PXDN: variants seen among roughly 807,000 people sequenced by gnomAD.
PXDN encodes the protein peroxidasin homolog.
Under a neutral mutation model 140.3 loss-of-function variants are expected in PXDN, and 77 were observed. The observed-to-expected ratio is 0.55, with a 90% CI of 0.46 to 0.66. The LOEUF is 0.66. Ranked by LOEUF, PXDN falls within the 30% of genes least tolerant of loss-of-function variation. PXDN has a pLI of 0.00. For synonymous variants in PXDN, 911 were observed against 857.4 expected (o/e 1.06, Z -1.09); for missense variants, 1,838 against 2,039.5 (o/e 0.90, Z 1.90).
Position 1,643,317 on chromosome 2 carries a change from C to T in PXDN, c.3952+51G>A. 6 of 1,576,782 alleles carry T rather than the reference C, an allele frequency of 3.8e-6. No individual in the cohort carries two copies. The South Asian group carries it at 6.7e-5, about 18-fold the overall frequency. Reference sequence around the variant, plus strand: ...GGTCATTAAGCACCCGCCAAGCAGTCACCAAAACCAGGGATGAAAAAGGAA... The same window carrying T: ...GGTCATTAAGCACCCGCCAAGCAGTTACCAAAACCAGGGATGAAAAAGGAA... On this transcript the variant is annotated intron_variant, in intron 19 of 22. Coordinates refer to ENST00000252804, the MANE Select transcript of PXDN (RefSeq NM_012293.3).
At chr2:1,744,795 T>G (rs1278830365), upstream of PXDN, 2 of 213,050 alleles carry the variant, frequency 9.4e-6, no homozygotes, top group East Asian at 1.1e-4. Context: ...GCTTCTCCAC[T>G]TCTCTTACCC....
intron 3 of PXDN, among the ~76,000 whole-genome samples, chr2:1,690,648 CAAAAAAAAAAAA>C (rs35970382): frequency 9.5e-4 from 65 of 68,658 alleles, no homozygotes; most frequent in African/African-American, 3.3e-3. Flanking sequence ...TTCAAAATAC[CAAAAAAAAAAAA>C]AAAAAAAAAA....
chr2:1,679,993 A>G (rs922643778), intron 7 of PXDN, among the ~76,000 whole-genome samples, 200 bp downstream of exon 7: 13 of 131,670 alleles, frequency 9.9e-5, no homozygotes, highest in Non-Finnish European at 1.1e-4. Flanking sequence ...GTGTGTGTAA[A>G]TGGTATGTGT....
At chr2:1,650,826 T>C (rs1327863537) in intron 16 of PXDN, among the ~76,000 whole-genome samples, 4 of 152,228 alleles carry the variant, frequency 2.6e-5, no homozygotes, top group South Asian at 2.1e-4. Context: ...ACTGCTTCTT[T>C]TTTCTAAAGT....
intron 1 of PXDN, among the ~76,000 whole-genome samples, chr2:1,725,058 T>C (rs1315124798): frequency 6.6e-6 from 1 of 152,240 alleles, no homozygotes; most frequent in African/African-American, 2.4e-5. Flanking sequence ...TTATAGTTTT[T>C]AGCATTCAGT....
In PXDN at chr2:1,648,894, G is replaced by A. The variant is rs760399974; in HGVS notation, c.2886C>T (p.Asp962=). ...ATGPPTECMR[D]ENESPIPCFL... ...AGCAGGGGATGGGGCTCTCGTTCTCGTCCCGCATGCACTCCGTGGGCGGCC... is the reference window on the plus strand; with the variant it reads ...AGCAGGGGATGGGGCTCTCGTTCTCATCCCGCATGCACTCCGTGGGCGGCC... Residue 962 remains aspartate, a synonymous_variant, in exon 17 of 23, where the codon GAC becomes GAT. Coordinates refer to ENST00000252804, the MANE Select transcript of PXDN (RefSeq NM_012293.3). The surrounding 1 kb of genome is among the most constrained non-coding windows in gnomAD (Gnocchi z 8.9). 7.5e-6 allele frequency: 12 copies of A among 1,601,984 alleles called. No homozygotes were observed. Among genetic ancestry groups the A allele is most frequent in the East Asian group, 4.5e-5 (2 of 44,662 alleles).
At chr2:1,666,100 G>A (rs2125427935) in intron 10 of PXDN, 114 bp downstream of exon 10, 1 of 1,386,462 alleles carries the variant, frequency 7.2e-7, no homozygotes, top group East Asian at 2.4e-5. Flanking sequence ...TCAACCGAGT[G>A]AAGTGGACAG....
At chr2:1,658,094 G>T (rs1418858605) in intron 14 of PXDN, among the ~76,000 whole-genome samples, 1 of 115,396 alleles carries the variant, frequency 8.7e-6, no homozygotes, top group Non-Finnish European at 1.7e-5. Flanking sequence ...CTCTCTCTCT[G>T]TTACAGTGTC....
At chr2:1,635,933 A>G (rs1014207876) in intron 21 of PXDN, 2 of 334,014 alleles carry the variant, frequency 6.0e-6, no homozygotes, top group South Asian at 2.5e-5. Flanking sequence ...ACGGGGCCCC[A>G]TAACAAGGTG....
At position 1,648,108 on chromosome 2, in the gene PXDN, C is replaced by T; in HGVS notation, c.3608+64G>A. The T allele has an allele frequency of 6.4e-7, 1 of 1,550,558 alleles. No individual in the cohort carries two copies. On this transcript the variant is annotated intron_variant, in intron 17 of 22. Transcript: ENST00000252804. The surrounding 1 kb of genome is among the most constrained non-coding windows in gnomAD (Gnocchi z 8.9). ...CACACAGAGACAAATAACACACACA[C>T]CACAGTTCAGGTGTTCCAGGTGCCT...
chr2:1,742,210 G>T (rs114239899), intron 1 of PXDN, among the ~76,000 whole-genome samples: 17 of 152,190 alleles, frequency 1.1e-4, no homozygotes, highest in Non-Finnish European at 2.2e-4. Flanking sequence ...TGTTTCCACC[G>T]CCAGAAAATG....
At position 1,663,593 on chromosome 2, in the gene PXDN, C is replaced by A; in HGVS notation, c.1567+12G>T. On this transcript the variant is annotated intron_variant, in intron 12 of 22. Transcript: ENST00000252804. ...AGAAAATCAATTCAGTCCACAACCT[C>A]CTGGCACCTACCTCTGGGCTGCACA... 1 of 1,613,718 alleles carries A rather than the reference C, an allele frequency of 6.2e-7. No individual in the cohort carries two copies. Among genetic ancestry groups the A allele is most frequent in the Non-Finnish European group, 8.5e-7 (1 of 1,179,808 alleles).
In PXDN at chr2:1,685,383, G is replaced by A. The variant is rs575253085; in HGVS notation, c.417-1232C>T. On this transcript the variant is annotated intron_variant, in intron 4 of 22. Coordinates refer to ENST00000252804, the MANE Select transcript of PXDN (RefSeq NM_012293.3). The surrounding 1 kb of genome is among the most constrained non-coding windows in gnomAD (Gnocchi z 5.1). ...TGACGCGCGGGTCCCGAGGAAGGCC[G>A]AACCCGACAGAATCCCTGGAGCCTC... is the stretch of plus-strand genomic sequence containing the variant. 1.2e-4 allele frequency among the ~76,000 whole-genome samples: 19 copies of A among 152,334 alleles called. No individual in the cohort carries two copies. Among genetic ancestry groups the A allele is most frequent in the African/African-American group, 3.4e-4 (14 of 41,594 alleles).
intron 18 of PXDN, among the ~76,000 whole-genome samples, chr2:1,644,197 AAT>A (rs1268303253): frequency 2.0e-5 from 3 of 152,106 alleles, no homozygotes; most frequent in African/African-American, 7.2e-5. Flanking sequence ...GGTCTGCTGA[AAT>A]AGTTTGTAAT....
At chr2:1,664,847 C>A in intron 11 of PXDN, 111 bp downstream of exon 11, 6 of 938,188 alleles carry the variant, frequency 6.4e-6, no homozygotes, top group Non-Finnish European at 9.5e-6. Flanking sequence ...AATCCAGTCC[C>A]AGCTCAGCCC....
At position 1,633,443 on chromosome 2, in the gene PXDN, T is replaced by C. The variant is rs1252236327; in HGVS notation, c.*761A>G. On this transcript the variant is annotated 3_prime_UTR_variant, in exon 23 of 23. Transcript: ENST00000252804. ...CTGAAAGCAAACCTGTTTCTAAATGTGGCTTATGAATGTTCTAATCAGGTG... is the reference window on the plus strand; with the variant it reads ...CTGAAAGCAAACCTGTTTCTAAATGCGGCTTATGAATGTTCTAATCAGGTG... The C allele has an allele frequency of 1.3e-5, 2 of 152,106 alleles. No individual in the cohort carries two copies. The highest frequency in any genetic ancestry group is 1.3e-4 in the Admixed American group (2 of 15,266). 9.4% of individuals were successfully genotyped at this position (152,106 alleles called of 1,614,324 possible).
rs1011127344 is a variant in PXDN at position 1,680,456 on chromosome 2, CAT to C, written c.561-96_561-95del. 1.1e-4 allele frequency: 157 copies of C among 1,478,738 alleles called. 1 individual carries two copies. In the African/African-American group the frequency reaches 1.7e-3, roughly 16 times the overall value. The allele number at this position is 1,478,738 out of a possible 1,614,324, so 91.6% of individuals were successfully genotyped here. A position where few individuals can be genotyped will look rare whatever the true frequency, so the allele number is the denominator to read the frequency against. On this transcript the variant is annotated intron_variant, in intron 6 of 22. Coordinates refer to ENST00000252804, the MANE Select transcript of PXDN (RefSeq NM_012293.3). The stretch of plus-strand genomic sequence containing the variant: ...GGCTTCCAGGTCCCGCGTCGGGAAA[CAT>C]GTGCCAGGCCTGCCAGGCTTGCGAC...
chr2:1,634,370 T>G (rs772411557), intron 22 of PXDN, 47 bp from the exon 23 acceptor site: 13 of 1,532,870 alleles, frequency 8.5e-6, no homozygotes, highest in Non-Finnish European at 1.1e-5. Flanking sequence ...GGGATGGCCT[T>G]CAGGTGAGCA....
intron 17 of PXDN, among the ~76,000 whole-genome samples, chr2:1,645,650 T>C (rs1682835345): frequency 1.3e-5 from 2 of 152,188 alleles, no homozygotes; most frequent in Non-Finnish European, 2.9e-5. Context: ...CAAAGACAAA[T>C]TGTCCCTTTT....
Sources: allele counts gnomAD v4.1 joint callset (sites outside exome capture counted in the v4.1 genomes callset), GRCh38; gene constraint gnomAD v4.1.1; non-coding constraint Gnocchi (gnomAD v3.1); transcripts MANE v1.5; gene names NCBI Gene and HGNC (gene_info 2026-07-23, HGNC 2026-07-21).